Variants in EFNA5 observed in about 807,000 individuals in gnomAD.
The protein encoded by EFNA5 is ephrin A5, also known as ephrin-A5.
Under a neutral mutation model 22.9 loss-of-function variants are expected in EFNA5, and 5 were observed. The observed-to-expected ratio is 0.22, with a 90% confidence interval of 0.11 to 0.46. The LOEUF (loss-of-function observed/expected upper bound fraction) is 0.46. EFNA5 is among the 20% of genes least tolerant of loss of function. The pLI is 0.99. For missense variants in EFNA5, 237 were observed against 293.3 expected (o/e 0.81, Z 1.40); for synonymous variants, 113 against 112.2 (o/e 1.01, Z -0.04).
At chr5:107,414,282 T>C (rs996631372) in intron 2 of EFNA5, among the ~76,000 whole-genome samples, 1 of 152,222 alleles carries the variant, frequency 6.6e-6, no homozygotes, top group African/African-American at 2.4e-5. Flanking sequence ...ACCTTGTCCC[T>C]CAAATCAATA....
At chr5:107,596,001 GA>G (rs1749465544) in intron 1 of EFNA5, among the ~76,000 whole-genome samples, 1 of 151,668 alleles carries the variant, frequency 6.6e-6, no homozygotes, top group East Asian at 1.9e-4. Context: ...AATTGCCTCA[GA>G]AAAAAATATT....
At chr5:107,475,443 G>A (rs891592275) in intron 1 of EFNA5, among the ~76,000 whole-genome samples, 3 of 152,186 alleles carry the variant, frequency 2.0e-5, no homozygotes, top group African/African-American at 7.2e-5. Context: ...GGGAGAGAAT[G>A]GTGGTTTATA....
intron 1 of EFNA5, among the ~76,000 whole-genome samples, chr5:107,626,850 A>G: frequency 6.6e-6 from 1 of 152,286 alleles, no homozygotes; most frequent in African/African-American, 2.4e-5. Flanking sequence ...TGACTTTCAC[A>G]GTTGGTGGTG....
chr5:107,548,523 T>C (rs1748219302), intron 1 of EFNA5, among the ~76,000 whole-genome samples: 1 of 152,208 alleles, frequency 6.6e-6, no homozygotes, highest in Admixed American at 6.5e-5. Context: ...TCTAAAAAGA[T>C]TGACAGGTAA....
intron 1 of EFNA5, among the ~76,000 whole-genome samples, chr5:107,573,416 A>G (rs1481007021): frequency 6.6e-6 from 1 of 151,976 alleles, no homozygotes; most frequent in Non-Finnish European, 1.5e-5. Flanking sequence ...GAATTTTCCA[A>G]AGCTAGATAT....
intron 1 of EFNA5, among the ~76,000 whole-genome samples, chr5:107,665,806 T>G (rs1379124686): frequency 3.3e-5 from 5 of 152,182 alleles, no homozygotes; most frequent in Non-Finnish European, 5.9e-5. Flanking sequence ...ATACTTCTCT[T>G]TTACAAATTT....
intron 2 of EFNA5, among the ~76,000 whole-genome samples, chr5:107,415,666 T>C (rs1044206720): frequency 2.0e-5 from 3 of 152,228 alleles, no homozygotes; most frequent in Non-Finnish European, 4.4e-5. Flanking sequence ...CTTAACTTCA[T>C]TCAAAAGGAT....
chr5:107,639,259 T>C (rs908644865), intron 1 of EFNA5, among the ~76,000 whole-genome samples: 6 of 152,242 alleles, frequency 3.9e-5, no homozygotes, highest in African/African-American at 1.2e-4. Flanking sequence ...CAGCAGTGAA[T>C]TGGCAGCATT....
At chr5:107,462,182 G>A (rs899003256) in intron 1 of EFNA5, among the ~76,000 whole-genome samples, 12 of 152,106 alleles carry the variant, frequency 7.9e-5, no homozygotes, top group African/African-American at 2.7e-4. Context: ...CATCTTCACT[G>A]CAAAGAGTGA....
intron 1 of EFNA5, among the ~76,000 whole-genome samples, chr5:107,618,562 C>G (rs1446856502): frequency 6.6e-6 from 1 of 152,174 alleles, no homozygotes; most frequent in Non-Finnish European, 1.5e-5. Context: ...TCAGAAATGT[C>G]AGATTTGGCG....
intron 1 of EFNA5, among the ~76,000 whole-genome samples, chr5:107,478,101 A>G (rs1462421770): frequency 6.6e-6 from 1 of 152,152 alleles, no homozygotes; most frequent in Non-Finnish European, 1.5e-5. Context: ...TCATTATGTC[A>G]TACCTAATAA....
At chr5:107,633,059 G>T (rs1750292279) in intron 1 of EFNA5, among the ~76,000 whole-genome samples, 1 of 151,990 alleles carries the variant, frequency 6.6e-6, no homozygotes, top group Admixed American at 6.6e-5. Context: ...GACACACAGA[G>T]ATATAACAAG....
At chr5:107,583,707 T>C (rs549154841) in intron 1 of EFNA5, among the ~76,000 whole-genome samples, 1 of 152,350 alleles carries the variant, frequency 6.6e-6, no homozygotes, top group Admixed American at 6.5e-5. Flanking sequence ...AATTGGTTTA[T>C]ACCTCAGTAG....
At chr5:107,660,875 AC>A (rs1447363308) in intron 1 of EFNA5, among the ~76,000 whole-genome samples, 2 of 152,026 alleles carry the variant, frequency 1.3e-5, no homozygotes, top group African/African-American at 4.8e-5. Flanking sequence ...TTTGAACTGT[AC>A]CCCTCTTAGT....
chr5:107,472,382 T>C (rs1426032394), intron 1 of EFNA5, among the ~76,000 whole-genome samples: 2 of 152,154 alleles, frequency 1.3e-5, no homozygotes, highest in East Asian at 1.9e-4. Flanking sequence ...ATAATGTTAA[T>C]AGTATTAGTG....
rs200154846 is a variant in EFNA5, at chr5:107,573,408, ATT to A, written c.125+97079_125+97080del. Among the ~76,000 whole-genome samples, 8 of 151,926 alleles carry A rather than the reference ATT, an allele frequency of 5.3e-5. No homozygotes were observed. In the East Asian group the frequency reaches 1.2e-3, roughly 22 times the overall value. ...TGCTCTCATTTCAGAATTTAAAAGAATTTTCCAAAGCTAGATATCTCAGTGCT... is the reference window on the plus strand; with the variant it reads ...TGCTCTCATTTCAGAATTTAAAAGAATTCCAAAGCTAGATATCTCAGTGCT... On this transcript the variant is annotated intron_variant, in intron 1 of 4. Coordinates refer to ENST00000333274, the MANE Select transcript of EFNA5 (RefSeq NM_001962.3).
chr5:107,402,238 C>T (rs1338030606), intron 2 of EFNA5, among the ~76,000 whole-genome samples: 1 of 152,160 alleles, frequency 6.6e-6, no homozygotes, highest in Admixed American at 6.5e-5. Context: ...ATGAAGATGT[C>T]ATGTTTCTCA....
At chr5:107,432,874 C>A (rs995934017) in intron 1 of EFNA5, among the ~76,000 whole-genome samples, 1 of 152,120 alleles carries the variant, frequency 6.6e-6, no homozygotes, top group South Asian at 2.1e-4. Context: ...CAAGACCAAT[C>A]CCTCCTCATC....
Position 107,640,884 on chromosome 5 carries a change from C to G in EFNA5, c.125+29605G>C, listed in dbSNP as rs78201048. ...CCCAGGAGACCAGGACCTAGGGAGCCAGTGGGTATACCCAAGCAGGCCACA... is the reference window on the plus strand; with the variant it reads ...CCCAGGAGACCAGGACCTAGGGAGCGAGTGGGTATACCCAAGCAGGCCACA... On this transcript the variant is annotated intron_variant, in intron 1 of 4. Transcript: ENST00000333274. 9.9e-5 allele frequency among the ~76,000 whole-genome samples: 15 copies of G among 152,230 alleles called. No homozygotes were observed. The East Asian group carries it at 2.7e-3, about 27-fold the overall frequency.
Sources: gnomAD v4.1 joint callset for allele counts (sites outside exome capture counted in the v4.1 genomes callset) on GRCh38, gnomAD v4.1.1 for gene constraint, MANE v1.5 for transcripts, NCBI Gene and HGNC (gene_info 2026-07-23, HGNC 2026-07-21) for gene names.